Variants in SBNO1 observed in about 807,000 individuals in gnomAD.
SBNO1 encodes strawberry notch homolog 1, also known as protein strawberry notch homolog 1.
A neutral mutation model predicts 173.6 loss-of-function variants in SBNO1; 23 were observed. That is an observed-to-expected ratio of 0.13 (90% CI 0.10 to 0.19). The LOEUF is 0.19. Ranked by LOEUF, SBNO1 falls within the 10% of genes least tolerant of loss-of-function variation. The probability of loss-of-function intolerance (pLI) is 1.00; values close to 1 mark genes in which losing one functional copy is unlikely to be tolerated. For missense variants in SBNO1, 1,238 were observed against 1,671.2 expected, an observed-to-expected ratio of 0.74 and a Z score of 4.52; for synonymous variants, 632 against 571.5, an observed-to-expected ratio of 1.11 and a Z score of -1.51.
intron 10 of SBNO1, among the ~76,000 whole-genome samples, chr12:123,328,513 A>G (rs945840106): frequency 2.6e-5 from 4 of 152,198 alleles, no homozygotes; most frequent in East Asian, 1.9e-4. Context: ...AGTATTCCTC[A>G]TATCTATTAA....
Position 123,315,439 on chromosome 12 carries a change from T to C in SBNO1, c.3054A>G (p.Ala1018=), listed in dbSNP as rs1322876438. ...TTGCCCTTCTATCACCATGTGTAAGTGCCCCCTGTTAAAAACAAAAATTTC... is the reference window on the plus strand; with the variant it reads ...TTGCCCTTCTATCACCATGTGTAAGCGCCCCCTGTTAAAAACAAAAATTTC... ...IVAKRLESLG[A]LTHGDRRATE... is the part of the protein sequence containing the mutation. Residue 1018 remains alanine, a synonymous_variant, in exon 23 of 32, where the codon GCA becomes GCG. Transcript: ENST00000602398. The C allele has an allele frequency of 4.3e-6, 7 of 1,612,796 alleles. No individual in the cohort carries two copies. Among genetic ancestry groups the C allele is most frequent in the Non-Finnish European group, 5.9e-6 (7 of 1,178,992 alleles).
chr12:123,335,177 C>T (rs1326139368), intron 6 of SBNO1, among the ~76,000 whole-genome samples: 1 of 152,126 alleles, frequency 6.6e-6, no homozygotes. Context: ...TGGTGGCTCA[C>T]GCCTGTAATC....
At chr12:123,362,560 G>GT (rs1160337931) in intron 1 of SBNO1, among the ~76,000 whole-genome samples, 1 of 150,572 alleles carries the variant, frequency 6.6e-6, no homozygotes, top group Non-Finnish European at 1.5e-5. Context: ...GAGGTCACTA[G>GT]TGTGAGACCA....
chr12:123,326,362 C>G, intron 13 of SBNO1, 28 bp from the exon 14 acceptor site: 7 of 1,483,050 alleles, frequency 4.7e-6, no homozygotes, highest in Non-Finnish European at 6.4e-6. Context: ...ACATTTCAGA[C>G]ACTTCATCTT....
intron 1 of SBNO1, among the ~76,000 whole-genome samples, chr12:123,352,715 G>A (rs953977428): frequency 6.6e-6 from 1 of 152,224 alleles, no homozygotes; most frequent in African/African-American, 2.4e-5. Flanking sequence ...ATGGAAACAT[G>A]AGTGAGTCTA....
chr12:123,340,210 T>C (rs564423623), intron 5 of SBNO1, among the ~76,000 whole-genome samples: 3 of 152,298 alleles, frequency 2.0e-5, no homozygotes, highest in South Asian at 2.1e-4. Context: ...ATATTAACAA[T>C]GTTATACATG....
chr12:123,315,984 G>C lies in SBNO1; in HGVS notation c.2936-324C>G, dbSNP rs1341039698. 3.9e-5 allele frequency among the ~76,000 whole-genome samples: 6 copies of C among 152,084 alleles called. No individual in the cohort carries two copies. The East Asian group carries it at 1.2e-3, about 29-fold the overall frequency. ...GGCCTTTGGTGAAGCTACTGAGGTT[G>C]GAAACACATATAGAAGTAGCAGCTT... On this transcript the variant is annotated intron_variant, in intron 21 of 31. Coordinates refer to ENST00000602398, the MANE Select transcript of SBNO1 (RefSeq NM_001167856.3).
intron 1 of SBNO1, among the ~76,000 whole-genome samples, chr12:123,352,493 T>C (rs1482411922): frequency 6.6e-6 from 1 of 152,076 alleles, no homozygotes; most frequent in African/African-American, 2.4e-5. Context: ...GGTTTCACAA[T>C]GTTGGCCAGG....
chr12:123,324,176 G>C (rs1870327934), intron 15 of SBNO1, among the ~76,000 whole-genome samples: 1 of 151,868 alleles, frequency 6.6e-6, no homozygotes, highest in Non-Finnish European at 1.5e-5. Context: ...ACCTGGCTCA[G>C]TACACATATA....
intron 24 of SBNO1, among the ~76,000 whole-genome samples, chr12:123,312,230 G>A (rs1213142174): frequency 6.6e-6 from 1 of 152,056 alleles, no homozygotes; most frequent in African/African-American, 2.4e-5. Flanking sequence ...ATGAGCCACT[G>A]TGCCCAGACC....
At chr12:123,296,848 C>G (rs1344143735) in intron 31 of SBNO1, among the ~76,000 whole-genome samples, 1 of 149,990 alleles carries the variant, frequency 6.7e-6, no homozygotes, top group Non-Finnish European at 1.5e-5. Flanking sequence ...TGTGAGCCAC[C>G]GTGCCCGGCC....
chr12:123,318,785 A>C (rs1267399488), intron 20 of SBNO1, among the ~76,000 whole-genome samples: 1 of 151,842 alleles, frequency 6.6e-6, no homozygotes, highest in Admixed American at 6.6e-5. Context: ...AATCTCTACA[A>C]TGGTTGGATA....
At position 123,331,286 on chromosome 12, in the gene SBNO1, T is replaced by G. The variant is rs1272522819; in HGVS notation, c.999A>C (p.Gly333=). The change falls in exon 8 of 32, where the codon GGA becomes GGC. Residue 333 remains glycine, a synonymous_variant. Transcript: ENST00000602398. The stretch of plus-strand genomic sequence containing the variant: ...TCAACAAATAATTTTCATAGATGAT[T>G]CCTGCTATCGTCCTTCCTTTTCCTA... ...AGVGKGRTIA[G]IIYENYLLSR... is the part of the protein sequence containing the mutation. 1 of 1,614,088 alleles carries G rather than the reference T, an allele frequency of 6.2e-7. No individual in the cohort carries two copies. The highest frequency in any genetic ancestry group is 2.2e-5 in the East Asian group (1 of 44,884).
At chr12:123,325,723 C>T (rs956331270) in intron 14 of SBNO1, 124 bp from the exon 15 acceptor site, 1 of 728,492 alleles carries the variant, frequency 1.4e-6, no homozygotes, top group African/African-American at 1.8e-5. Flanking sequence ...TTATAAAACA[C>T]AAATTTGTTT....
intron 6 of SBNO1, among the ~76,000 whole-genome samples, chr12:123,335,653 C>T (rs977482338): frequency 1.2e-4 from 18 of 152,160 alleles, no homozygotes; most frequent in African/African-American, 4.1e-4. Flanking sequence ...GTAGTGTCAA[C>T]GCAGCCATAG....
chr12:123,320,131 G>C, intron 19 of SBNO1, 100 bp from the exon 20 acceptor site: 6 of 1,316,418 alleles, frequency 4.6e-6, no homozygotes, highest in Non-Finnish European at 6.4e-6. Context: ...AAGAGCACAG[G>C]CTGTGCTGCA....
intron 1 of SBNO1, among the ~76,000 whole-genome samples, chr12:123,352,584 T>C (rs1011615148): frequency 5.3e-5 from 8 of 152,190 alleles, no homozygotes; most frequent in African/African-American, 1.9e-4. Flanking sequence ...TGAGCCACTG[T>C]GCCCGGCCTG....
intron 25 of SBNO1, 35 bp from the exon 26 acceptor site, chr12:123,309,891 T>C (rs371788307): frequency 8.6e-6 from 13 of 1,515,912 alleles, no homozygotes; most frequent in Non-Finnish European, 1.2e-5. Context: ...TTCATGCAAA[T>C]GATAATTAAA....
chr12:123,313,387 G>C (rs1171133100), intron 24 of SBNO1, among the ~76,000 whole-genome samples: 1 of 151,660 alleles, frequency 6.6e-6, no homozygotes, highest in Non-Finnish European at 1.5e-5. Flanking sequence ...TCTCTTATTA[G>C]ACAAACATGC....
Sources: gnomAD v4.1 joint callset for allele counts (sites outside exome capture counted in the v4.1 genomes callset) on GRCh38, gnomAD v4.1.1 for gene constraint, MANE v1.5 for transcripts, NCBI Gene and HGNC (gene_info 2026-07-23, HGNC 2026-07-21) for gene names.